The following CLSTN2 variants were observed in gnomAD, a reference collection of about 807,000 sequenced individuals.
The protein encoded by CLSTN2 is calsyntenin 2.
Under a neutral mutation model 101.2 loss-of-function variants are expected in CLSTN2, and 48 were observed. The observed-to-expected ratio is 0.47, with a 90% CI of 0.38 to 0.60. CLSTN2 has a LOEUF of 0.60. Among genes scored for constraint, CLSTN2 ranks in the 20% least tolerant of loss-of-function variants. The pLI is 0.00. For synonymous variants in CLSTN2, 481 were observed against 463.6 expected, an observed-to-expected ratio of 1.04 and a Z score of -0.48; for missense variants, 1,160 against 1,238.2, an observed-to-expected ratio of 0.94 and a Z score of 0.95.
chr3:140,465,295 G>A (rs2108020210), intron 7 of CLSTN2, among the ~76,000 whole-genome samples: 1 of 152,268 alleles, frequency 6.6e-6, no homozygotes, highest in South Asian at 2.1e-4. Flanking sequence ...AGCAAATATG[G>A]CCGCACAGCT....
chr3:140,011,521 C>T (rs1231386399), intron 1 of CLSTN2, among the ~76,000 whole-genome samples: 1 of 152,196 alleles, frequency 6.6e-6, no homozygotes, highest in East Asian at 1.9e-4. Flanking sequence ...AATCCATTCT[C>T]TGTAAAACTA....
chr3:140,212,741 G>C (rs1441160003), intron 2 of CLSTN2, among the ~76,000 whole-genome samples: 1 of 152,224 alleles, frequency 6.6e-6, no homozygotes, highest in Non-Finnish European at 1.5e-5. Context: ...CCATGTTTCT[G>C]TTCACTCTAG....
At chr3:140,562,009 G>A in intron 12 of CLSTN2, 129 bp from the exon 13 acceptor site, 1 of 703,106 alleles carries the variant, frequency 1.4e-6, no homozygotes, top group Non-Finnish European at 2.4e-6. Context: ...TGGTATTTGG[G>A]ATCACACAGA....
chr3:140,562,842 G>A lies in CLSTN2; in HGVS notation c.2244G>A (p.Val748=). Residue 748 remains valine (V), a synonymous_variant, in exon 14 of 17, where the codon GTG becomes GTA. Coordinates refer to ENST00000458420, the MANE Select transcript of CLSTN2 (RefSeq NM_022131.3). The part of the protein sequence containing the change: ...GVGSMSRYEQ[V]LHHIRYRNWR... Reference sequence around the variant, plus strand: ...GCTCCATGAGCCGCTATGAGCAGGTGCTACATCACATCCGCTACCGCAACT... The same window carrying A: ...GCTCCATGAGCCGCTATGAGCAGGTACTACATCACATCCGCTACCGCAACT... 1.2e-6 allele frequency: 2 copies of A among 1,614,100 alleles called. No individual in the cohort carries two copies. Among genetic ancestry groups the A allele is most frequent in the Non-Finnish European group, 1.7e-6 (2 of 1,180,010 alleles).
intron 1 of CLSTN2, among the ~76,000 whole-genome samples, chr3:139,976,156 C>T (rs756217486): frequency 5.3e-5 from 8 of 152,198 alleles, no homozygotes; most frequent in Non-Finnish European, 1.2e-4. Flanking sequence ...TCATAGCTGG[C>T]AGACTAGCCT....
At chr3:140,344,482 T>A (rs1028996279) in intron 2 of CLSTN2, among the ~76,000 whole-genome samples, 1 of 152,134 alleles carries the variant, frequency 6.6e-6, no homozygotes, top group Non-Finnish European at 1.5e-5. Flanking sequence ...TGAAGAGTAA[T>A]CTAATCTATC....
chr3:139,980,146 G>A (rs976692362), intron 1 of CLSTN2, among the ~76,000 whole-genome samples: 2 of 151,870 alleles, frequency 1.3e-5, no homozygotes, highest in African/African-American at 4.8e-5. Context: ...CCCACCCTAG[G>A]CCCCCAGTCT....
At chr3:140,305,611 T>C (rs997812033) in intron 2 of CLSTN2, among the ~76,000 whole-genome samples, 1 of 152,172 alleles carries the variant, frequency 6.6e-6, no homozygotes, top group African/African-American at 2.4e-5. Flanking sequence ...CTTTCCATCC[T>C]GGACAGCCAT....
Position 140,558,802 on chromosome 3 carries a change from C to G in CLSTN2, c.1986C>G (p.Ile662Met), listed in dbSNP as rs752271734. Reference sequence around the variant, plus strand: ...GGGGAGTGACCCTCTTCCCTGATATCAAGATTGTGAGCACCTTCGCCAAAA... The same window carrying G: ...GGGGAGTGACCCTCTTCCCTGATATGAAGATTGTGAGCACCTTCGCCAAAA... ...SARGVTLFPDIKIVSTFAKTE... is the reference protein window; with the variant it reads ...SARGVTLFPDMKIVSTFAKTE... The change falls in exon 12 of 17, where the codon ATC (isoleucine) becomes ATG (methionine). Residue 662 changes from isoleucine to methionine, a missense_variant. By Grantham distance (10) the Ile-to-Met change is conservative (BLOSUM62 1). Transcript: ENST00000458420. 3 of 1,614,048 alleles carry G rather than the reference C, an allele frequency of 1.9e-6. No homozygotes were observed. The highest frequency in any genetic ancestry group is 1.7e-6 in the Non-Finnish European group (2 of 1,179,992).
rs527370723 is a variant in CLSTN2 at position 140,282,489 on chromosome 3, T to C, written c.232+106416T>C. 1.2e-4 allele frequency among the ~76,000 whole-genome samples: 19 copies of C among 152,326 alleles called. No individual in the cohort carries two copies. In the East Asian group the frequency reaches 3.3e-3, roughly 26 times the overall value. On this transcript the variant is annotated intron_variant, in intron 2 of 16. Transcript: ENST00000458420. The stretch of plus-strand genomic sequence containing the variant: ...GAAGAAAGACCTGGTGAGGCAGAGC[T>C]TCAGATTATCCAATAAGCTGAAAAT...
intron 2 of CLSTN2, among the ~76,000 whole-genome samples, chr3:140,296,376 A>G (rs1002849251): frequency 6.6e-6 from 1 of 152,202 alleles, no homozygotes. Flanking sequence ...TGAATTCTCA[A>G]AATTTCCTCA....
chr3:140,146,067 C>A (rs143711206), intron 1 of CLSTN2, among the ~76,000 whole-genome samples: 1 of 152,222 alleles, frequency 6.6e-6, no homozygotes, highest in African/African-American at 2.4e-5. Context: ...CCCAAGACAT[C>A]CTGAGCCCAC....
At chr3:140,338,681 A>G (rs1321532876) in intron 2 of CLSTN2, among the ~76,000 whole-genome samples, 1 of 152,108 alleles carries the variant, frequency 6.6e-6, no homozygotes, top group Non-Finnish European at 1.5e-5. Context: ...ATCGTCTGAT[A>G]ACTTTACTGC....
intron 1 of CLSTN2, among the ~76,000 whole-genome samples, chr3:140,015,091 T>C (rs779464976): frequency 1.6e-4 from 25 of 152,266 alleles, no homozygotes; most frequent in Middle Eastern, 3.4e-3. Flanking sequence ...GTGAGTCCCA[T>C]AGGGGTGGTT....
chr3:140,339,554 G>A (rs1016475920), intron 2 of CLSTN2, among the ~76,000 whole-genome samples: 1 of 152,048 alleles, frequency 6.6e-6, no homozygotes. Context: ...CCATAAACTC[G>A]ACCTACTAAA....
chr3:140,138,263 G>C lies in CLSTN2; in HGVS notation c.110-37688G>C, dbSNP rs116362037. Reference sequence around the variant, plus strand: ...AAGGACCAAGTACCTTGCAGAAAGAGACAGGGACAGCTTAAAAAGGGGGGG... The same window carrying C: ...AAGGACCAAGTACCTTGCAGAAAGACACAGGGACAGCTTAAAAAGGGGGGG... On this transcript the variant is annotated intron_variant, in intron 1 of 16. Transcript: ENST00000458420. 5.9e-3 allele frequency among the ~76,000 whole-genome samples: 894 copies of C among 152,296 alleles called. 3 individuals carry two copies. Among genetic ancestry groups the C allele is most frequent in the African/African-American group, 0.019 (773 of 41,562 alleles).
chr3:140,321,477 C>A (rs1037072457), intron 2 of CLSTN2, among the ~76,000 whole-genome samples: 1 of 152,208 alleles, frequency 6.6e-6, no homozygotes, highest in Admixed American at 6.5e-5. Context: ...TTGCTCCCTA[C>A]ACCCTCAGGT....
chr3:140,551,221 G>C (rs1576623237), intron 10 of CLSTN2, among the ~76,000 whole-genome samples: 1 of 151,584 alleles, frequency 6.6e-6, no homozygotes, highest in South Asian at 2.1e-4. Flanking sequence ...TATTTTATTG[G>C]ACAGTTACTG....
At chr3:140,523,412 C>T (rs1444092868) in intron 8 of CLSTN2, among the ~76,000 whole-genome samples, 1 of 152,206 alleles carries the variant, frequency 6.6e-6, no homozygotes, top group Non-Finnish European at 1.5e-5. Context: ...CCCCCCAGTG[C>T]AGCTATGCTT....
Sources: gnomAD v4.1 joint callset for allele counts (sites outside exome capture counted in the v4.1 genomes callset) on GRCh38, gnomAD v4.1.1 for gene constraint, MANE v1.5 for transcripts, NCBI Gene and HGNC (gene_info 2026-07-23, HGNC 2026-07-21) for gene names.